Variants in NPAS2 observed in about 807,000 individuals in gnomAD.
NPAS2 encodes the protein neuronal PAS domain-containing protein 2.
In NPAS2, 23 loss-of-function variants were observed where a neutral mutation model predicts 107.5. That is an observed-to-expected ratio of 0.21 (90% confidence interval 0.15 to 0.30). NPAS2 has a LOEUF of 0.30. Ranked by LOEUF, NPAS2 falls within the 10% of genes least tolerant of loss-of-function variation. NPAS2 has a pLI of 1.00. For synonymous variants in NPAS2, 403 were observed against 417.5 expected (o/e 0.97, Z 0.42); for missense variants, 756 against 1,043.3 (o/e 0.72, Z 3.79).
chr2:100,874,786 C>T (rs912239563), intron 1 of NPAS2, among the ~76,000 whole-genome samples: 48 of 152,098 alleles, frequency 3.2e-4, no homozygotes, highest in African/African-American at 9.6e-4. Flanking sequence ...TTTCTGCAAG[C>T]GTTCTCACAG....
chr2:100,917,168 CAG>C (rs1161110570), intron 2 of NPAS2, among the ~76,000 whole-genome samples: 2 of 152,040 alleles, frequency 1.3e-5, no homozygotes, highest in African/African-American at 2.4e-5. Context: ...GATATAAACA[CAG>C]AAAGTAATAA....
At chr2:100,907,699 G>GTGTT (rs2104791733) in intron 2 of NPAS2, among the ~76,000 whole-genome samples, 1 of 152,252 alleles carries the variant, frequency 6.6e-6, no homozygotes, top group African/African-American at 2.4e-5. Flanking sequence ...AACATGCTTT[G>GTGTT]TGTTAGGCAA....
In NPAS2 at chr2:100,898,452, T is replaced by C. The variant is rs189704694; in HGVS notation, c.-22-6281T>C. ...AAGGTAAACTTGAATAAGAACAACG[T>C]TGGAAGGCCCACCCTACATTTATGT... On this transcript the variant is annotated intron_variant, in intron 1 of 20. Transcript: ENST00000335681. Among the ~76,000 whole-genome samples the C allele has an allele frequency of 6.7e-3, 1,019 of 152,260 alleles. 4 individuals are homozygous for C. Among genetic ancestry groups the C allele is most frequent in the Middle Eastern group, 0.017 (5 of 294 alleles).
At chr2:100,925,464 G>C (rs969629121) in intron 3 of NPAS2, among the ~76,000 whole-genome samples, 170 bp downstream of exon 3, 27 of 152,120 alleles carry the variant, frequency 1.8e-4, no homozygotes, top group African/African-American at 6.0e-4. Context: ...CCCGTCTCTG[G>C]CTGGGTGGGG....
At chr2:100,925,695 C>T (rs1683514889) in intron 3 of NPAS2, among the ~76,000 whole-genome samples, 1 of 152,192 alleles carries the variant, frequency 6.6e-6, no homozygotes, top group South Asian at 2.1e-4. Context: ...CCCTCTCTGC[C>T]ACTGCCCTCG....
chr2:100,909,618 C>T (rs181210093), intron 2 of NPAS2, among the ~76,000 whole-genome samples: 3 of 152,196 alleles, frequency 2.0e-5, no homozygotes, highest in African/African-American at 7.2e-5. Flanking sequence ...TGGAGCCTGT[C>T]GTGCTAATTT....
At chr2:100,921,066 T>C (rs1217270105) in intron 2 of NPAS2, among the ~76,000 whole-genome samples, 1 of 152,198 alleles carries the variant, frequency 6.6e-6, no homozygotes, top group East Asian at 1.9e-4. Flanking sequence ...CCAGAATTAG[T>C]CACTCTCAGT....
chr2:100,996,045 T>G lies in NPAS2; in HGVS notation c.*463T>G. 2 of 1,011,844 alleles carry G rather than the reference T, an allele frequency of 2.0e-6. No homozygotes were observed. Among genetic ancestry groups the G allele is most frequent in the African/African-American group, 3.4e-5 (2 of 59,530 alleles). The allele number at this position is 1,011,844 out of a possible 1,614,324, so 62.7% of individuals were successfully genotyped here. Reference sequence around the variant, plus strand: ...GAGAGAATAAAGAGATTATTTTTCATTATTTTTAAATGGTTGTTTTTGTTT... The same window carrying G: ...GAGAGAATAAAGAGATTATTTTTCAGTATTTTTAAATGGTTGTTTTTGTTT... On this transcript the variant is annotated 3_prime_UTR_variant, in exon 21 of 21. Coordinates refer to ENST00000335681, the MANE Select transcript of NPAS2 (RefSeq NM_002518.4).
intron 3 of NPAS2, 151 bp from the exon 4 acceptor site, chr2:100,932,759 A>G: frequency 1.6e-6 from 1 of 608,546 alleles, no homozygotes; most frequent in South Asian, 2.0e-5. Context: ...GTCCTTGGAA[A>G]TCAGGGTAAC....
rs1678448323 is a variant in NPAS2, at chr2:100,996,521, C to T, written c.*939C>T. On this transcript the variant is annotated 3_prime_UTR_variant, in exon 21 of 21. Coordinates refer to ENST00000335681, the MANE Select transcript of NPAS2 (RefSeq NM_002518.4). ...TGAGTGAGAATGCTGCATCTTTCTA[C>T]ATATCTTCATGAGAATACTGAGAAT... 1 of 152,630 alleles carries T rather than the reference C, an allele frequency of 6.6e-6. No individual in the cohort carries two copies. Among genetic ancestry groups the T allele is most frequent in the Admixed American group, 6.5e-5 (1 of 15,274 alleles). 9.5% of individuals were successfully genotyped at this position (152,630 alleles called of 1,614,324 possible).
At chr2:100,893,301 ACT>A (rs1410729147) in intron 1 of NPAS2, among the ~76,000 whole-genome samples, 1 of 152,106 alleles carries the variant, frequency 6.6e-6, no homozygotes, top group Non-Finnish European at 1.5e-5. Context: ...GAAGGTACAC[ACT>A]CTGTCAGCAA....
rs1218271720 is a variant in NPAS2 at position 100,990,533 on chromosome 2, A to G, written c.2018+87A>G. ...TCTACTTTCTGCTTTAGACGGAGGC[A>G]GAGTTCAGACAGATTCTAAAGTGTC... On this transcript the variant is annotated intron_variant, in intron 18 of 20. Transcript: ENST00000335681. The G allele has an allele frequency of 2.6e-5, 37 of 1,407,412 alleles. No individual in the cohort carries two copies. The Admixed American group carries it at 2.9e-4, about 11-fold the overall frequency. The allele number at this position is 1,407,412 out of a possible 1,614,324, so 87.2% of individuals were successfully genotyped here.
At chr2:100,942,402 C>T (rs1674628995) in intron 5 of NPAS2, among the ~76,000 whole-genome samples, 1 of 149,724 alleles carries the variant, frequency 6.7e-6, no homozygotes, top group African/African-American at 2.4e-5. Flanking sequence ...GCTGGAAGCT[C>T]CCATCTGATT....
Position 100,990,854 on chromosome 2 carries a change from G to GGAC in NPAS2, c.2095_2097dup (p.Thr699dup). Reference sequence around the variant, plus strand: ...GCAAGGCAGCCCTCGGAAGTCAGCAGGACGGGACGGCAAGTCAAGTACGTG... The same window carrying GGAC: ...GCAAGGCAGCCCTCGGAAGTCAGCAGGACGACGGGACGGCAAGTCAAGTACGTG... On this transcript the variant is annotated inframe_insertion, in exon 19 of 21. Transcript: ENST00000335681. 6.2e-7 allele frequency: 1 copy of GGAC among 1,614,190 alleles called. No homozygotes were observed. The highest frequency in any genetic ancestry group is 8.5e-7 in the Non-Finnish European group (1 of 1,180,020).
intron 2 of NPAS2, among the ~76,000 whole-genome samples, chr2:100,924,740 G>A (rs1259267781): frequency 1.3e-5 from 2 of 152,204 alleles, no homozygotes; most frequent in African/African-American, 4.8e-5. Context: ...CGTGGGCCCT[G>A]GAACCAGGCT....
At chr2:100,992,679 T>C (rs1012155211) in intron 19 of NPAS2, among the ~76,000 whole-genome samples, 2 of 152,232 alleles carry the variant, frequency 1.3e-5, no homozygotes, top group Non-Finnish European at 2.9e-5. Flanking sequence ...ATGGAATGGC[T>C]ACTGATGCTG....
rs568305490 is a variant in NPAS2, at chr2:100,936,782, A to G, written c.274-971A>G. Reference sequence around the variant, plus strand: ...GATCACTTGAGGACAGGAGTTCAAGACCAGCCTGGCCAATAATGGTGAAAC... The same window carrying G: ...GATCACTTGAGGACAGGAGTTCAAGGCCAGCCTGGCCAATAATGGTGAAAC... On this transcript the variant is annotated intron_variant, in intron 4 of 20. Transcript: ENST00000335681. Among the ~76,000 whole-genome samples the G allele has an allele frequency of 7.7e-3, 680 of 88,806 alleles. 7 individuals are homozygous for G. The highest frequency in any genetic ancestry group is 0.028 in the African/African-American group (644 of 23,414). The allele number at this position is 88,806 out of a possible 152,430, so 58.3% of individuals were successfully genotyped here.
At chr2:100,930,973 A>T (rs1683906484) in intron 3 of NPAS2, among the ~76,000 whole-genome samples, 1 of 152,204 alleles carries the variant, frequency 6.6e-6, no homozygotes, top group Non-Finnish European at 1.5e-5. Flanking sequence ...TAAATATTAT[A>T]GCACATCTTC....
chr2:100,858,712 A>C (rs773688066), intron 1 of NPAS2, among the ~76,000 whole-genome samples: 3 of 152,102 alleles, frequency 2.0e-5, no homozygotes, highest in Non-Finnish European at 4.4e-5. Flanking sequence ...GAAATTAATT[A>C]CTCCCTACTT....
Sources: gnomAD v4.1 joint callset for allele counts (sites outside exome capture counted in the v4.1 genomes callset) on GRCh38, gnomAD v4.1.1 for gene constraint, MANE v1.5 for transcripts, NCBI Gene and HGNC (gene_info 2026-07-23, HGNC 2026-07-21) for gene names.